Variants in ACSS3 observed in about 807,000 individuals in gnomAD.
The protein encoded by ACSS3 is acyl-CoA synthetase short chain family member 3.
In ACSS3, 64 loss-of-function variants were observed where a neutral mutation model predicts 84.2. The ratio of observed to expected loss-of-function variants is 0.76; its 90% CI spans 0.62 to 0.94. ACSS3 has a LOEUF of 0.94. Ranked by LOEUF, ACSS3 falls within the 40% of genes least tolerant of loss-of-function variation. ACSS3 has a pLI of 0.00. For synonymous variants in ACSS3, 317 were observed against 310.1 expected, an observed-to-expected ratio of 1.02 and a Z score of -0.23; for missense variants, 815 against 867.6, an observed-to-expected ratio of 0.94 and a Z score of 0.76.
chr12:81,245,604 A>G (rs2033958496), intron 13 of ACSS3, among the ~76,000 whole-genome samples: 2 of 152,178 alleles, frequency 1.3e-5, no homozygotes, highest in African/African-American at 4.8e-5. Flanking sequence ...TAGGCCCTGG[A>G]AAAAGGAACA....
intron 7 of ACSS3, among the ~76,000 whole-genome samples, chr12:81,164,410 C>A (rs1366605671): frequency 6.6e-6 from 1 of 152,072 alleles, no homozygotes; most frequent in East Asian, 1.9e-4. Flanking sequence ...AGAAAGTATT[C>A]TCATCATCAA....
At chr12:81,173,461 A>C (rs2030230330) in intron 7 of ACSS3, among the ~76,000 whole-genome samples, 1 of 152,174 alleles carries the variant, frequency 6.6e-6, no homozygotes, top group Non-Finnish European at 1.5e-5. Flanking sequence ...GTTTTTTTTA[A>C]GAAAAGAGGA....
At position 81,174,297 on chromosome 12, in the gene ACSS3, G is replaced by A. The variant is rs574431338; in HGVS notation, c.1099-491G>A. Among the ~76,000 whole-genome samples, 44 of 152,204 alleles carry A rather than the reference G, an allele frequency of 2.9e-4. No individual in the cohort carries two copies. In the South Asian group the frequency reaches 9.1e-3, roughly 32 times the overall value. On this transcript the variant is annotated intron_variant, in intron 7 of 15. Coordinates refer to ENST00000548058, the MANE Select transcript of ACSS3 (RefSeq NM_024560.4). ...CTTATTGGATTATTTTTAATTCATAGGAGTTACTTTTCTTGGAGTGAGACA... is the reference window on the plus strand; with the variant it reads ...CTTATTGGATTATTTTTAATTCATAAGAGTTACTTTTCTTGGAGTGAGACA...
At chr12:81,098,273 C>G (rs1882231366) in intron 1 of ACSS3, among the ~76,000 whole-genome samples, 1 of 151,868 alleles carries the variant, frequency 6.6e-6, no homozygotes, top group East Asian at 1.9e-4. Flanking sequence ...CGCCCACAAC[C>G]CTGAGCTGAA....
intron 1 of ACSS3, among the ~76,000 whole-genome samples, chr12:81,079,110 G>A (rs1880809371): frequency 6.6e-6 from 1 of 152,106 alleles, no homozygotes; most frequent in Non-Finnish European, 1.5e-5. Flanking sequence ...TGCAGTATGG[G>A]GTACCCAGAA....
chr12:81,098,153 T>A (rs10862236), intron 1 of ACSS3, among the ~76,000 whole-genome samples: 54,784 of 99,982 alleles, frequency 0.55, 13,445 homozygotes, highest in Non-Finnish European at 0.66. Context: ...AGAGAGAGAG[T>A]GTGTGTGTGT....
chr12:81,123,157 G>T (rs997439226), intron 2 of ACSS3, among the ~76,000 whole-genome samples: 1 of 152,184 alleles, frequency 6.6e-6, no homozygotes, highest in Admixed American at 6.5e-5. Context: ...GAGAAAAACA[G>T]ATTCAATTAA....
Position 81,078,177 on chromosome 12 carries a change from G to T in ACSS3, c.57G>T (p.Gly19=). Residue 19 remains glycine (G), a synonymous_variant, in exon 1 of 16, where the codon GGG becomes GGT. Coordinates refer to ENST00000548058, the MANE Select transcript of ACSS3 (RefSeq NM_024560.4). ...RKVTSAGGLG[G]PLPGSSPARG... ...TCACCAGCGCCGGGGGGCTCGGAGG[G>T]CCCTTGCCTGGGTCCTCTCCGGCCC... The T allele has an allele frequency of 1.3e-6, 2 of 1,536,198 alleles. No homozygotes were observed. Among genetic ancestry groups the T allele is most frequent in the Non-Finnish European group, 1.7e-6 (2 of 1,146,092 alleles).
chr12:81,230,990 T>C (rs1432148712), intron 11 of ACSS3, 67 bp from the exon 12 acceptor site: 1 of 1,177,176 alleles, frequency 8.5e-7, no homozygotes, highest in East Asian at 2.4e-5. Flanking sequence ...AGAAAAATAA[T>C]AGTTCTAATC....
At chr12:81,252,884 G>A (rs7960302) in intron 13 of ACSS3, among the ~76,000 whole-genome samples, 64,930 of 151,962 alleles carry the variant, frequency 0.43, 14,809 homozygotes, top group Non-Finnish European at 0.52. Context: ...GGGCAGCCTC[G>A]GATTCCTCTG....
intron 8 of ACSS3, among the ~76,000 whole-genome samples, chr12:81,197,402 T>A (rs532747168): frequency 6.6e-6 from 1 of 152,270 alleles, no homozygotes; most frequent in East Asian, 1.9e-4. Context: ...AAAATAAAAT[T>A]GGTAACGTGA....
chr12:81,174,996 G>A, intron 8 of ACSS3, 57 bp downstream of exon 8: 2 of 1,565,018 alleles, frequency 1.3e-6, no homozygotes, highest in Non-Finnish European at 1.7e-6. Context: ...AAATGAATAA[G>A]TGAACATTAT....
intron 7 of ACSS3, among the ~76,000 whole-genome samples, chr12:81,156,255 C>T (rs373593000): frequency 6.6e-6 from 1 of 151,014 alleles, no homozygotes; most frequent in East Asian, 1.9e-4. Context: ...ATATCTCAAA[C>T]TGATTGAAAA....
At chr12:81,193,089 C>A (rs760964062) in intron 8 of ACSS3, among the ~76,000 whole-genome samples, 2 of 152,102 alleles carry the variant, frequency 1.3e-5, no homozygotes, top group African/African-American at 2.4e-5. Flanking sequence ...GATATTAACA[C>A]TAGCGTCTTT....
intron 1 of ACSS3, chr12:81,094,803 A>C (rs1460694782): frequency 6.6e-6 from 1 of 152,152 alleles, no homozygotes; most frequent in East Asian, 1.9e-4. Context: ...TATAGTCCTA[A>C]AGTTCTCAGG....
intron 1 of ACSS3, among the ~76,000 whole-genome samples, chr12:81,086,175 A>G (rs1291052719): frequency 1.3e-5 from 2 of 152,218 alleles, no homozygotes; most frequent in Non-Finnish European, 2.9e-5. Flanking sequence ...TGTTATATAA[A>G]GAGGAAGAAT....
At chr12:81,199,267 T>A in intron 8 of ACSS3, 74 bp from the exon 9 acceptor site, 3 of 1,330,412 alleles carry the variant, frequency 2.3e-6, no homozygotes, top group Non-Finnish European at 2.1e-6. Flanking sequence ...GGTTAACCAA[T>A]GTTTTTAAAA....
chr12:81,240,548 A>G (rs938086821), intron 13 of ACSS3, among the ~76,000 whole-genome samples: 1 of 152,054 alleles, frequency 6.6e-6, no homozygotes, highest in Non-Finnish European at 1.5e-5. Context: ...TTAAGTGATC[A>G]TTAATATAAC....
Position 81,231,036 on chromosome 12 carries a change from AC to A in ACSS3, c.1515-20del. Reference sequence around the variant, plus strand: ...TATTACCACTTTCATCATAATTTTAACTTCTCTGTTTTTATATAAGGTTACC... The same window carrying A: ...TATTACCACTTTCATCATAATTTTAATTCTCTGTTTTTATATAAGGTTACC... On this transcript the variant is annotated intron_variant, in intron 11 of 15. Transcript: ENST00000548058. 6.4e-7 allele frequency: 1 copy of A among 1,573,294 alleles called. No individual in the cohort carries two copies. Among genetic ancestry groups the A allele is most frequent in the African/African-American group, 1.4e-5 (1 of 73,610 alleles).
Sources: gnomAD v4.1 joint callset for allele counts (sites outside exome capture counted in the v4.1 genomes callset) on GRCh38, gnomAD v4.1.1 for gene constraint, MANE v1.5 for transcripts, NCBI Gene and HGNC (gene_info 2026-07-23, HGNC 2026-07-21) for gene names.